Variants in CNTNAP2 observed in about 807,000 individuals in gnomAD.
The protein encoded by CNTNAP2 is contactin associated protein 2.
Under a neutral mutation model 155.2 loss-of-function variants are expected in CNTNAP2, and 98 were observed. That is an observed-to-expected ratio of 0.63 (90% CI 0.54 to 0.75). CNTNAP2 has a LOEUF of 0.75. Among genes scored for constraint, CNTNAP2 ranks in the 30% least tolerant of loss-of-function variants. CNTNAP2 has a pLI of 0.00. For missense variants in CNTNAP2, 1,727 were observed against 1,688.1 expected (o/e 1.02, Z -0.40); for synonymous variants, 651 against 631.2 (o/e 1.03, Z -0.47).
At chr7:147,427,146 G>A (rs558082674) in intron 10 of CNTNAP2, among the ~76,000 whole-genome samples, 37 of 152,234 alleles carry the variant, frequency 2.4e-4, no homozygotes, top group Middle Eastern at 3.4e-3. Context: ...CTCACATGGT[G>A]AAAAGGATGG....
intron 1 of CNTNAP2, among the ~76,000 whole-genome samples, chr7:146,427,620 G>T (rs1796111614): frequency 6.6e-6 from 1 of 152,078 alleles, no homozygotes; most frequent in African/African-American, 2.4e-5. Flanking sequence ...AAACTGCTAG[G>T]ATTATCTGTG....
At chr7:147,655,153 C>T (rs778103284) in intron 13 of CNTNAP2, among the ~76,000 whole-genome samples, 36 of 150,282 alleles carry the variant, frequency 2.4e-4, no homozygotes, top group Non-Finnish European at 3.1e-4. Context: ...GGCAGAGTCT[C>T]ACTCTGTCAC....
chr7:146,881,390 T>C (rs1235675645), intron 3 of CNTNAP2, among the ~76,000 whole-genome samples: 1 of 152,124 alleles, frequency 6.6e-6, no homozygotes, highest in Non-Finnish European at 1.5e-5. Flanking sequence ...TTTCATCAAA[T>C]ACAGTATCTT....
intron 11 of CNTNAP2, among the ~76,000 whole-genome samples, chr7:147,554,712 C>T (rs1049290696): frequency 2.6e-5 from 4 of 151,950 alleles, no homozygotes; most frequent in African/African-American, 9.7e-5. Context: ...AAGATCATGA[C>T]ACAATATTAG....
intron 3 of CNTNAP2, among the ~76,000 whole-genome samples, chr7:146,883,322 C>A (rs1331757877): frequency 6.6e-6 from 1 of 152,052 alleles, no homozygotes; most frequent in Non-Finnish European, 1.5e-5. Context: ...TATATTTAAG[C>A]TCCTGGCACA....
chr7:147,113,292 C>T (rs188069960), intron 5 of CNTNAP2, among the ~76,000 whole-genome samples: 7 of 152,002 alleles, frequency 4.6e-5, no homozygotes, highest in Admixed American at 3.3e-4. Context: ...GGTGATGCCC[C>T]CCTTACGATT....
At chr7:146,293,097 G>A (rs894755474) in intron 1 of CNTNAP2, among the ~76,000 whole-genome samples, 1 of 151,970 alleles carries the variant, frequency 6.6e-6, no homozygotes, top group Non-Finnish European at 1.5e-5. Flanking sequence ...ACACCAGTTT[G>A]TGTCACATAA....
At chr7:147,164,066 A>G (rs1034857024) in intron 8 of CNTNAP2, among the ~76,000 whole-genome samples, 1 of 152,262 alleles carries the variant, frequency 6.6e-6, no homozygotes, top group Non-Finnish European at 1.5e-5. Context: ...ACTGTTCCAC[A>G]GATAAATGGA....
chr7:148,402,303 GA>G (rs1220753398), intron 22 of CNTNAP2, among the ~76,000 whole-genome samples: 1 of 149,652 alleles, frequency 6.7e-6, no homozygotes, highest in African/African-American at 2.4e-5. Flanking sequence ...TTTGAAATTG[GA>G]AATGCTGGCT....
intron 22 of CNTNAP2, among the ~76,000 whole-genome samples, chr7:148,385,699 C>CCTTTA (rs1471363378): frequency 2.1e-5 from 3 of 145,764 alleles, no homozygotes; most frequent in Admixed American, 1.4e-4. Context: ...AGTTTTTGTT[C>CCTTTA]CTTTACTTTA....
chr7:147,379,895 A>T (rs1028554471), intron 9 of CNTNAP2, among the ~76,000 whole-genome samples: 1 of 152,068 alleles, frequency 6.6e-6, no homozygotes, highest in East Asian at 1.9e-4. Context: ...CCATCAGCTA[A>T]CACCCTGAAT....
chr7:147,647,573 T>C (rs955915624), intron 13 of CNTNAP2, among the ~76,000 whole-genome samples: 1 of 152,186 alleles, frequency 6.6e-6, no homozygotes, highest in Non-Finnish European at 1.5e-5. Context: ...ATTCATGGCT[T>C]TTCTTGCTCT....
chr7:147,636,991 C>A (rs762994611), intron 12 of CNTNAP2, among the ~76,000 whole-genome samples: 3 of 151,902 alleles, frequency 2.0e-5, no homozygotes, highest in African/African-American at 7.3e-5. Context: ...AAGGAGGGAC[C>A]CTGCTGATGT....
intron 1 of CNTNAP2, among the ~76,000 whole-genome samples, chr7:146,769,167 A>G (rs1053015974): frequency 5.3e-5 from 8 of 152,268 alleles, no homozygotes; most frequent in African/African-American, 1.7e-4. Context: ...CTGGAAGGGA[A>G]GTACGCTGGA....
chr7:146,220,522 AG>A lies in CNTNAP2; in HGVS notation c.97+103550del, dbSNP rs755232238. ...GTGAAAAAGAGATTAAAATTGTACT[AG>A]TATAGAAAGCACCTGGTATTATAGT... On this transcript the variant is annotated intron_variant, in intron 1 of 23. Coordinates refer to ENST00000361727, the MANE Select transcript of CNTNAP2 (RefSeq NM_014141.6). Among the ~76,000 whole-genome samples the A allele has an allele frequency of 7.2e-5, 11 of 152,194 alleles. 1 individual carries two copies. The highest frequency in any genetic ancestry group is 1.0e-4 in the Non-Finnish European group (7 of 68,034).
chr7:146,890,532 TCAAA>T (rs950941059), intron 3 of CNTNAP2, among the ~76,000 whole-genome samples: 5 of 152,218 alleles, frequency 3.3e-5, no homozygotes, highest in African/African-American at 2.4e-5. Flanking sequence ...TATTTGTCTA[TCAAA>T]CAAACCACAT....
chr7:146,833,563 T>C (rs1803556710), intron 2 of CNTNAP2, among the ~76,000 whole-genome samples: 1 of 152,212 alleles, frequency 6.6e-6, no homozygotes, highest in African/African-American at 2.4e-5. Flanking sequence ...TGAATGCCTT[T>C]ACTCAGCTCA....
At chr7:146,120,318 C>A (rs879844219) in intron 1 of CNTNAP2, among the ~76,000 whole-genome samples, 3 of 152,040 alleles carry the variant, frequency 2.0e-5, no homozygotes, top group Non-Finnish European at 4.4e-5. Flanking sequence ...GTTGATAAAG[C>A]ATAGCACATT....
intron 12 of CNTNAP2, among the ~76,000 whole-genome samples, chr7:147,620,153 T>C (rs1187160808): frequency 6.6e-6 from 1 of 152,200 alleles, no homozygotes; most frequent in Non-Finnish European, 1.5e-5. Flanking sequence ...CTGTTACAGC[T>C]TAGATCACAA....
Sources: allele counts gnomAD v4.1 joint callset (sites outside exome capture counted in the v4.1 genomes callset), GRCh38; gene constraint gnomAD v4.1.1; transcripts MANE v1.5; gene names NCBI Gene and HGNC (gene_info 2026-07-23, HGNC 2026-07-21).